The following LRP1B variants were observed in gnomAD, a reference collection of about 807,000 sequenced individuals.
LRP1B encodes the protein low-density lipoprotein receptor-related protein 1B.
Under a neutral mutation model 556.6 loss-of-function variants are expected in LRP1B, and 217 were observed. The ratio of observed to expected loss-of-function variants is 0.39; its 90% confidence interval spans 0.35 to 0.44. The LOEUF is 0.44. Ranked by LOEUF, LRP1B falls within the 20% of genes least tolerant of loss-of-function variation. The pLI is 1.00. For missense variants in LRP1B, 5,053 were observed against 5,620.8 expected (o/e 0.90, Z 3.23); for synonymous variants, 2,047 against 1,865.8 (o/e 1.10, Z -2.50).
intron 2 of LRP1B, among the ~76,000 whole-genome samples, chr2:141,487,807 A>C (rs532334037): frequency 1.3e-5 from 2 of 152,306 alleles, no homozygotes; most frequent in South Asian, 4.1e-4. Context: ...GAAAAACAGC[A>C]TAATACAGTG....
chr2:140,788,586 TA>T (rs1366560521), intron 32 of LRP1B, among the ~76,000 whole-genome samples: 3 of 152,216 alleles, frequency 2.0e-5, no homozygotes, highest in Non-Finnish European at 4.4e-5. Context: ...TCTATTTGTA[TA>T]ACAACCGACA....
chr2:141,646,847 G>A (rs1419033741), intron 2 of LRP1B, among the ~76,000 whole-genome samples: 1 of 152,144 alleles, frequency 6.6e-6, no homozygotes, highest in Non-Finnish European at 1.5e-5. Context: ...CAAGTCATTA[G>A]GTATACACTA....
intron 18 of LRP1B, among the ~76,000 whole-genome samples, chr2:140,977,808 G>A (rs754867192): frequency 6.6e-5 from 10 of 151,980 alleles, no homozygotes; most frequent in Non-Finnish European, 4.4e-5. Context: ...TCATCATTAG[G>A]GAAGCATTAA....
At chr2:140,807,265 C>T (rs1014793517) in intron 32 of LRP1B, among the ~76,000 whole-genome samples, 2 of 152,060 alleles carry the variant, frequency 1.3e-5, no homozygotes, top group Non-Finnish European at 2.9e-5. Context: ...TAGCACAAAT[C>T]GTTTAAAATA....
At chr2:141,311,070 A>G (rs1482037143) in intron 3 of LRP1B, among the ~76,000 whole-genome samples, 1 of 152,130 alleles carries the variant, frequency 6.6e-6, no homozygotes, top group Non-Finnish European at 1.5e-5. Context: ...CTCCTCCAAA[A>G]AGCATTGACC....
chr2:140,851,990 A>C (rs1692474232), intron 27 of LRP1B, among the ~76,000 whole-genome samples: 1 of 152,210 alleles, frequency 6.6e-6, no homozygotes, highest in Non-Finnish European at 1.5e-5. Flanking sequence ...TAACTAAGAA[A>C]ACTCCATCAA....
At chr2:141,316,827 A>G (rs1316145016) in intron 3 of LRP1B, among the ~76,000 whole-genome samples, 1 of 152,226 alleles carries the variant, frequency 6.6e-6, no homozygotes, top group East Asian at 1.9e-4. Context: ...AGCTTCATAA[A>G]TCTCTACTCA....
chr2:141,654,624 A>G (rs771521660), intron 2 of LRP1B, among the ~76,000 whole-genome samples: 1 of 151,882 alleles, frequency 6.6e-6, no homozygotes, highest in Non-Finnish European at 1.5e-5. Context: ...AAGAACCTCC[A>G]TTTCTAGCTG....
At chr2:140,470,303 C>T (rs1309153400) in intron 60 of LRP1B, among the ~76,000 whole-genome samples, 3 of 152,108 alleles carry the variant, frequency 2.0e-5, no homozygotes, top group African/African-American at 4.8e-5. Flanking sequence ...GATTTCCAAA[C>T]TCTCTCTCTT....
intron 41 of LRP1B, among the ~76,000 whole-genome samples, chr2:140,620,034 C>T (rs780344856): frequency 4.1e-4 from 63 of 151,994 alleles, no homozygotes; most frequent in Non-Finnish European, 6.8e-4. Flanking sequence ...TCTCTTTTGT[C>T]TTTTTGTCTT....
chr2:141,478,124 A>G (rs1682779573), intron 3 of LRP1B, among the ~76,000 whole-genome samples: 1 of 152,150 alleles, frequency 6.6e-6, no homozygotes. Context: ...TCAAAATAAA[A>G]TTAAAAGTAT....
At chr2:141,436,523 G>C (rs1352715897) in intron 3 of LRP1B, among the ~76,000 whole-genome samples, 2 of 151,854 alleles carry the variant, frequency 1.3e-5, no homozygotes, top group Admixed American at 6.6e-5. Flanking sequence ...AATTTCTAGA[G>C]ACCTTTCCGT....
At chr2:140,516,345 C>T (rs973002000) in intron 50 of LRP1B, among the ~76,000 whole-genome samples, 2 of 151,890 alleles carry the variant, frequency 1.3e-5, no homozygotes, top group African/African-American at 4.8e-5. Flanking sequence ...ATAATATTTA[C>T]ATTGTATTAG....
At chr2:141,659,533 G>T (rs572550472) in intron 2 of LRP1B, among the ~76,000 whole-genome samples, 27 of 152,200 alleles carry the variant, frequency 1.8e-4, no homozygotes, top group African/African-American at 6.3e-4. Context: ...TGCTGCATAT[G>T]ACCAAGCAGA....
At chr2:142,079,548 C>T (rs553593765) in intron 1 of LRP1B, among the ~76,000 whole-genome samples, 165 of 151,870 alleles carry the variant, frequency 1.1e-3, no homozygotes, top group African/African-American at 3.8e-3. Flanking sequence ...CACTGTGTCG[C>T]CCAGGTTGGA....
intron 3 of LRP1B, among the ~76,000 whole-genome samples, chr2:141,365,114 T>G (rs959239843): frequency 1.3e-5 from 2 of 152,172 alleles, no homozygotes; most frequent in African/African-American, 4.8e-5. Context: ...TATGAACCAA[T>G]GGAGAAAGAA....
At chr2:140,991,271 C>T (rs970049282) in intron 16 of LRP1B, among the ~76,000 whole-genome samples, 2 of 152,038 alleles carry the variant, frequency 1.3e-5, no homozygotes, top group African/African-American at 4.8e-5. Flanking sequence ...AAGTAATAAA[C>T]AGGAATTCAA....
chr2:141,150,456 TC>T (rs1701893086), intron 7 of LRP1B, among the ~76,000 whole-genome samples: 1 of 152,200 alleles, frequency 6.6e-6, no homozygotes, highest in African/African-American at 2.4e-5. Flanking sequence ...GTGTTTCCCT[TC>T]ACTCTATTTG....
rs550531287 is a variant in LRP1B at position 140,250,295 on chromosome 2, C to T, written c.13248-3133G>A. Among the ~76,000 whole-genome samples the T allele has an allele frequency of 1.1e-4, 17 of 151,854 alleles. 1 individual carries two copies. Among genetic ancestry groups the T allele is most frequent in the Admixed American group, 3.9e-4 (6 of 15,198 alleles). ...TACTATACAACTGTAAATTATTTAA[C>T]GTTTTAAACAATTCCATGAATTTTA... On this transcript the variant is annotated intron_variant, in intron 86 of 90. Coordinates refer to ENST00000389484, the MANE Select transcript of LRP1B (RefSeq NM_018557.3).
Sources: allele counts gnomAD v4.1 joint callset (sites outside exome capture counted in the v4.1 genomes callset), GRCh38; gene constraint gnomAD v4.1.1; transcripts MANE v1.5; gene names NCBI Gene and HGNC (gene_info 2026-07-23, HGNC 2026-07-21).